MAP3K1: variants seen among roughly 807,000 people sequenced by gnomAD.
The protein encoded by MAP3K1 is MAP/ERK kinase kinase 1.
In MAP3K1, 36 loss-of-function variants were observed where a neutral mutation model predicts 144.2. That is an observed-to-expected ratio of 0.25 (90% CI 0.19 to 0.33). The LOEUF (loss-of-function observed/expected upper bound fraction) is 0.33, where lower values mean the gene tolerates loss of function less well. Ranked by LOEUF, MAP3K1 falls within the 10% of genes least tolerant of loss-of-function variation. MAP3K1 has a pLI of 1.00. For synonymous variants in MAP3K1, 718 were observed against 688.7 expected (o/e 1.04, Z -0.67); for missense variants, 1,650 against 1,881.9 (o/e 0.88, Z 2.28).
intron 1 of MAP3K1, among the ~76,000 whole-genome samples, chr5:56,840,627 C>G (rs1161894251): frequency 1.3e-5 from 2 of 152,172 alleles, no homozygotes; most frequent in African/African-American, 4.8e-5. Flanking sequence ...ACCCTAACTT[C>G]TGTAACTTGA....
In MAP3K1 at chr5:56,881,868, C is replaced by G. The variant is rs777039063; in HGVS notation, c.2668C>G (p.Pro890Ala). ...GGACAGCTTCTTGCAGGCATCTGTT[C>G]CCAACAACTATCTGGAAACCACAGA... ...QQDSFLQASV[P>A]NNYLETTENS... Residue 890 changes from proline (P) to alanine (A), a missense_variant, in exon 14 of 20, where the codon CCC becomes GCC. This residue lies in a region of MAP3K1 where 841 missense variants were observed against 886.5 expected (regional missense o/e 0.95). Transcript: ENST00000399503. 32 of 1,613,924 alleles carry G rather than the reference C, an allele frequency of 2.0e-5. No homozygotes were observed. The highest frequency in any genetic ancestry group is 2.5e-5 in the Non-Finnish European group (30 of 1,180,000).
At chr5:56,878,928 C>A in intron 10 of MAP3K1, 52 bp from the exon 11 acceptor site, 1 of 1,583,488 alleles carries the variant, frequency 6.3e-7, no homozygotes, top group Non-Finnish European at 8.7e-7. Context: ...AGGCCATTAT[C>A]TCTGATGCTT....
intron 1 of MAP3K1, among the ~76,000 whole-genome samples, chr5:56,849,792 G>T (rs1164649759): frequency 6.6e-6 from 1 of 152,326 alleles, no homozygotes; most frequent in African/African-American, 2.4e-5. Context: ...AGATGCCTCA[G>T]ATCTAGGTCA....
chr5:56,842,460 CCA>C (rs1746843671), intron 1 of MAP3K1, among the ~76,000 whole-genome samples: 1 of 152,110 alleles, frequency 6.6e-6, no homozygotes, highest in Non-Finnish European at 1.5e-5. Flanking sequence ...AGATGTAAAG[CCA>C]CTGTATGGAC....
intron 6 of MAP3K1, among the ~76,000 whole-genome samples, chr5:56,870,548 A>G (rs567620426): frequency 6.6e-6 from 1 of 152,328 alleles, no homozygotes; most frequent in East Asian, 1.9e-4. Flanking sequence ...CACACTTCGT[A>G]CTTCAGCAAA....
intron 17 of MAP3K1, 80 bp downstream of exon 17, chr5:56,886,143 C>T (rs755658947): frequency 7.2e-5 from 82 of 1,136,500 alleles, no homozygotes; most frequent in Non-Finnish European, 1.1e-4. Flanking sequence ...GTGGCTCACA[C>T]CTGTAATCCC....
In MAP3K1 at chr5:56,882,671, T is replaced by C. The variant is rs1171570226; in HGVS notation, c.3471T>C (p.Ser1157=). Residue 1157 remains serine (S), a synonymous_variant, in exon 14 of 20, where the codon TCT becomes TCC. Transcript: ENST00000399503. ...VTFKSEVAVL[S]PEKAENDDTY... is the part of the protein sequence containing the mutation. The stretch of plus-strand genomic sequence containing the variant: ...TTAAGTCAGAAGTTGCTGTCCTGTC[T>C]CCTGAAAAGGCTGAAAATGATGATA... 1 of 1,614,100 alleles carries C rather than the reference T, an allele frequency of 6.2e-7. No homozygotes were observed. Among genetic ancestry groups the C allele is most frequent in the East Asian group, 2.2e-5 (1 of 44,874 alleles).
intron 1 of MAP3K1, among the ~76,000 whole-genome samples, chr5:56,840,707 C>CTCTG (rs1384345850): frequency 3.3e-5 from 5 of 152,060 alleles, no homozygotes; most frequent in African/African-American, 1.2e-4. Context: ...CTACAGAGAG[C>CTCTG]TCTGGCCTGA....
Position 56,893,820 on chromosome 5 carries a change from G to C in MAP3K1, c.*140G>C. ...AGGCCAGTGGGGAACCCTTACCTAA[G>C]TATGTGATTGACAAATCATGATCTG... On this transcript the variant is annotated 3_prime_UTR_variant, in exon 20 of 20. Transcript: ENST00000399503. The C allele has an allele frequency of 1.2e-6, 1 of 851,058 alleles. No individual in the cohort carries two copies. Among genetic ancestry groups the C allele is most frequent in the Non-Finnish European group, 1.9e-6 (1 of 525,680 alleles). The allele number at this position is 851,058 out of a possible 1,614,324, so 52.7% of individuals were successfully genotyped here.
chr5:56,893,695 C>T lies in MAP3K1; in HGVS notation c.*15C>T, dbSNP rs1005142553. ...CTACATGGTAGCCAATTATGCAGAT[C>T]AACTACAGTAGAAACAGGATGCTCA... On this transcript the variant is annotated 3_prime_UTR_variant, in exon 20 of 20. Coordinates refer to ENST00000399503, the MANE Select transcript of MAP3K1 (RefSeq NM_005921.2). The T allele has an allele frequency of 1.5e-5, 24 of 1,613,142 alleles. No homozygotes were observed. Among genetic ancestry groups the T allele is most frequent in the Non-Finnish European group, 1.9e-5 (23 of 1,179,540 alleles).
At chr5:56,822,600 G>A (rs944679714) in intron 1 of MAP3K1, among the ~76,000 whole-genome samples, 28 of 152,124 alleles carry the variant, frequency 1.8e-4, no homozygotes, top group African/African-American at 6.5e-4. Context: ...GATACTGGAA[G>A]ATTCCCAGGG....
chr5:56,816,020 C>A lies in MAP3K1; in HGVS notation c.447C>A (p.Pro149=). Residue 149 remains proline, a synonymous_variant, in exon 1 of 20, where the codon CCC becomes CCA. Transcript: ENST00000399503. The stretch of plus-strand genomic sequence containing the variant: ...CCGAGCCCGGGGAGAAGCGGGCGCC[C>A]GCCGCCGAGCCGTCTCCTGCAGCGG... The part of the protein sequence containing the change: ...AAAEPGEKRA[P]AAEPSPAAAP... The A allele has an allele frequency of 8.2e-7, 1 of 1,223,454 alleles. No individual in the cohort carries two copies. Among genetic ancestry groups the A allele is most frequent in the Non-Finnish European group, 1.0e-6 (1 of 984,314 alleles). The allele number at this position is 1,223,454 out of a possible 1,614,324, so 75.8% of individuals were successfully genotyped here.
Position 56,879,067 on chromosome 5 carries a change from G to A in MAP3K1, c.2053G>A (p.Asp685Asn), listed in dbSNP as rs374583596. Residue 685 changes from aspartate to asparagine, a missense_variant, in exon 11 of 20, where the codon GAC becomes AAC. Around this residue, in one of 6 missense-constraint regions of MAP3K1, gnomAD observed 841 missense variants for 886.5 expected, o/e 0.95. Transcript: ENST00000399503. ...KLQRLLQPVV[D>N]TILVKCADAN... ...TCAGAGACTTCTCCAGCCAGTTGTA[G>A]ACACCATCCTAGTCAAATGTGCAGA... 6 of 1,613,834 alleles carry A rather than the reference G, an allele frequency of 3.7e-6. No individual in the cohort carries two copies. The highest frequency in any genetic ancestry group is 1.3e-5 in the African/African-American group (1 of 74,908).
At chr5:56,824,790 C>G (rs1000042047) in intron 1 of MAP3K1, among the ~76,000 whole-genome samples, 2 of 152,150 alleles carry the variant, frequency 1.3e-5, no homozygotes, top group Non-Finnish European at 2.9e-5. Flanking sequence ...AAAATGGATG[C>G]TGCTTACCGA....
At chr5:56,893,465 G>A (rs1748608925) in intron 19 of MAP3K1, 66 bp from the exon 20 acceptor site, 2 of 1,510,188 alleles carry the variant, frequency 1.3e-6, no homozygotes, top group South Asian at 1.1e-5. Flanking sequence ...TGAGGTCTAT[G>A]CACATGTGTT....
intron 19 of MAP3K1, among the ~76,000 whole-genome samples, chr5:56,893,104 T>C (rs252898): frequency 0.75 from 114,163 of 152,078 alleles, 43,417 homozygotes; most frequent in Non-Finnish European, 0.82. Context: ...TTTCTATGTA[T>C]TAAATTGACT....
chr5:56,880,689 G>A (rs1410056950), intron 11 of MAP3K1, 22 bp from the exon 12 acceptor site: 1 of 1,561,322 alleles, frequency 6.4e-7, no homozygotes, highest in East Asian at 2.2e-5. Flanking sequence ...CAGGATTGAT[G>A]TTGCTTTTCC....
intron 18 of MAP3K1, chr5:56,888,011 G>A: frequency 1.7e-6 from 1 of 583,326 alleles, no homozygotes; most frequent in Non-Finnish European, 3.0e-6. Context: ...TCTGTGATGG[G>A]ACTCTGCTTC....
intron 6 of MAP3K1, among the ~76,000 whole-genome samples, chr5:56,866,244 CTCTACAGAAG>C (rs1419676610): frequency 1.3e-5 from 2 of 152,024 alleles, no homozygotes; most frequent in African/African-American, 4.8e-5. Context: ...GATACCCCAA[CTCTACAGAAG>C]TAAAATAATT....
Sources: gnomAD v4.1 joint callset for allele counts (sites outside exome capture counted in the v4.1 genomes callset) on GRCh38, gnomAD v4.1.1 for gene constraint, gnomAD v4.1.1 regional missense constraint, MANE v1.5 for transcripts, NCBI Gene and HGNC (gene_info 2026-07-23, HGNC 2026-07-21) for gene names.